Variants in TYRP1 observed in about 807,000 individuals in gnomAD.
The protein encoded by TYRP1 is tyrosinase related protein 1.
Under a neutral mutation model 42.8 loss-of-function variants are expected in TYRP1, and 49 were observed. The observed-to-expected ratio is 1.14, with a 90% confidence interval of 0.91 to 1.45. TYRP1 has a LOEUF of 1.45. TYRP1 is among the 40% of genes most tolerant of loss of function. The pLI is 0.00. For synonymous variants in TYRP1, 279 were observed against 235.4 expected (o/e 1.19, Z -1.69); for missense variants, 848 against 662.0 (o/e 1.28, Z -3.08).
rs912594792 is a variant in TYRP1 at position 12,709,766 on chromosome 9, G to T, written c.*584G>T. 2 of 152,372 alleles carry T rather than the reference G, an allele frequency of 1.3e-5. No individual in the cohort carries two copies. Among genetic ancestry groups the T allele is most frequent in the Admixed American group, 1.3e-4 (2 of 15,288 alleles). 9.4% of individuals were successfully genotyped at this position (152,372 alleles called of 1,614,324 possible). On this transcript the variant is annotated 3_prime_UTR_variant, in exon 8 of 8. Transcript: ENST00000388918. ...GTCAACATATACTATTTAGTCTCAG[G>T]TTCAAGGCTACAACAAAAATCACCA...
intron 5 of TYRP1, among the ~76,000 whole-genome samples, chr9:12,704,197 T>A (rs533677323): frequency 6.6e-6 from 1 of 152,114 alleles, no homozygotes; most frequent in South Asian, 2.1e-4. Context: ...AACTGGAGAT[T>A]TTCACTATCT....
In TYRP1 at chr9:12,698,054, T is replaced by A. The variant is rs549135963; in HGVS notation, c.709-397T>A. On this transcript the variant is annotated intron_variant, in intron 3 of 7. Transcript: ENST00000388918. ...GATCTGGCTCCAGACTAAGAGTTAA[T>A]GATGCTTGAATTAAAGATAGGAAAA... Among the ~76,000 whole-genome samples, 4 of 152,266 alleles carry A rather than the reference T, an allele frequency of 2.6e-5. No individual in the cohort carries two copies. The East Asian group carries it at 7.7e-4, about 29-fold the overall frequency.
At position 12,707,114 on chromosome 9, in the gene TYRP1, T is replaced by G. The variant is rs186909197; in HGVS notation, c.1262-883T>G. ...CTATATACACATTCAATTCAATTCC[T>G]TCTCTTTTATTTCAACTGAGAATTA... On this transcript the variant is annotated intron_variant, in intron 6 of 7. Transcript: ENST00000388918. 7.8e-4 allele frequency among the ~76,000 whole-genome samples: 119 copies of G among 152,128 alleles called. 1 individual carries two copies. The highest frequency in any genetic ancestry group is 2.6e-3 in the African/African-American group (107 of 41,544).
At position 12,709,204 on chromosome 9, in the gene TYRP1, C is replaced by A; in HGVS notation, c.*22C>A. The A allele has an allele frequency of 1.9e-6, 3 of 1,605,670 alleles. No individual in the cohort carries two copies. Among genetic ancestry groups the A allele is most frequent in the Non-Finnish European group, 2.6e-6 (3 of 1,173,082 alleles). ...CTAACAAATGCCCTACTCTCTTATG[C>A]ATTAGTATCACAAAACCACCTGGTT... On this transcript the variant is annotated 3_prime_UTR_variant, in exon 8 of 8. Transcript: ENST00000388918.
chr9:12,705,804 A>G (rs1238562030), intron 6 of TYRP1, among the ~76,000 whole-genome samples: 1 of 151,756 alleles, frequency 6.6e-6, no homozygotes, highest in Non-Finnish European at 1.5e-5. Flanking sequence ...CCAAGATCAC[A>G]CCACTGCACT....
Position 12,709,205 on chromosome 9 carries a change from A to G in TYRP1, c.*23A>G. On this transcript the variant is annotated 3_prime_UTR_variant, in exon 8 of 8. Coordinates refer to ENST00000388918, the MANE Select transcript of TYRP1 (RefSeq NM_000550.3). ...TAACAAATGCCCTACTCTCTTATGCATTAGTATCACAAAACCACCTGGTTG... is the reference window on the plus strand; with the variant it reads ...TAACAAATGCCCTACTCTCTTATGCGTTAGTATCACAAAACCACCTGGTTG... 4.4e-6 allele frequency: 7 copies of G among 1,606,890 alleles called. No homozygotes were observed. The highest frequency in any genetic ancestry group is 6.0e-6 in the Non-Finnish European group (7 of 1,174,130).
chr9:12,705,935 AC>A lies in TYRP1; in HGVS notation c.1261+1231del, dbSNP rs149873325. ...TGACAACCATAAATCTATAATTTAC[AC>A]TGTCAGCTTTTTTAAAAGTGAAACA... On this transcript the variant is annotated intron_variant, in intron 6 of 7. Coordinates refer to ENST00000388918, the MANE Select transcript of TYRP1 (RefSeq NM_000550.3). 8.1e-3 allele frequency among the ~76,000 whole-genome samples: 1,240 copies of A among 152,198 alleles called. 7 individuals are homozygous for A. The highest frequency in any genetic ancestry group is 0.013 in the Non-Finnish European group (872 of 67,976).
At chr9:12,708,537 T>TTATC (rs573883409) in intron 7 of TYRP1, among the ~76,000 whole-genome samples, 242 of 152,110 alleles carry the variant, frequency 1.6e-3, no homozygotes, top group African/African-American at 5.7e-3. Context: ...TTGCCTGCAT[T>TTATC]TATCTATCTT....
rs1206960415 is a variant in TYRP1 at position 12,702,414 on chromosome 9, AAC to A, written c.1059_1060del (p.Asn353LysfsTer11). The part of the protein sequence containing the change: ...DTPPFYSNST[N>X]SFRNTVEGYS... ...GCCTCCTTTTTATTCCAACTCTACA[AAC>A]AGTTTCCGAAACACAGTGGAAGGCA... On this transcript the variant is annotated frameshift_variant, in exon 5 of 8. Transcript: ENST00000388918. LOFTEE classifies it high-confidence loss of function. 2.5e-6 allele frequency: 4 copies of A among 1,612,596 alleles called. No individual in the cohort carries two copies. Among genetic ancestry groups the A allele is most frequent in the Admixed American group, 1.7e-5 (1 of 59,820 alleles).
chr9:12,699,575 C>A (rs548438321), intron 4 of TYRP1, among the ~76,000 whole-genome samples: 113 of 152,034 alleles, frequency 7.4e-4, no homozygotes, highest in Non-Finnish European at 1.4e-3. Flanking sequence ...CTAAATAAAT[C>A]AGCAGGAATT....
intron 2 of TYRP1, 25 bp from the exon 3 acceptor site, chr9:12,695,490 A>G: frequency 6.2e-7 from 1 of 1,612,390 alleles, no homozygotes; most frequent in Non-Finnish European, 8.5e-7. Flanking sequence ...AGATGTTTTC[A>G]TGCTTGAATT....
At chr9:12,696,291 G>C (rs763124267) in intron 3 of TYRP1, among the ~76,000 whole-genome samples, 4 of 151,972 alleles carry the variant, frequency 2.6e-5, no homozygotes, top group Admixed American at 6.6e-5. Context: ...CTCCAACATG[G>C]TATAGGGTTT....
chr9:12,707,211 C>G (rs923232008), intron 6 of TYRP1, among the ~76,000 whole-genome samples: 2 of 151,930 alleles, frequency 1.3e-5, no homozygotes, highest in Admixed American at 6.6e-5. Flanking sequence ...TATACGTTTC[C>G]AAGAGTGATC....
At position 12,698,548 on chromosome 9, in the gene TYRP1, G is replaced by A; in HGVS notation, c.806G>A (p.Arg269Lys). The A allele has an allele frequency of 6.2e-7, 1 of 1,613,872 alleles. No individual in the cohort carries two copies. ...DICTDDLMGS[R>K]SNFDSTLISP... ...TGCACGGATGACTTGATGGGATCCAGAAGCAACTTTGATTCCACTCTAATA... is the reference window on the plus strand; with the variant it reads ...TGCACGGATGACTTGATGGGATCCAAAAGCAACTTTGATTCCACTCTAATA... The change falls in exon 4 of 8, where the codon AGA becomes AAA. Residue 269 changes from arginine to lysine, a missense_variant. Arg to Lys is a conservative substitution (Grantham distance 26, BLOSUM62 2). Coordinates refer to ENST00000388918, the MANE Select transcript of TYRP1 (RefSeq NM_000550.3).
intron 6 of TYRP1, 197 bp from the exon 7 acceptor site, chr9:12,707,800 G>A (rs75439634): frequency 1.7e-6 from 1 of 573,654 alleles, no homozygotes; most frequent in Non-Finnish European, 3.0e-6. Flanking sequence ...TGGTATATTG[G>A]TACTGTATTC....
At chr9:12,707,525 AG>A in intron 6 of TYRP1, 19 of 167,074 alleles carry the variant, frequency 1.1e-4, no homozygotes, top group South Asian at 3.4e-4. Flanking sequence ...GAATGTCCTA[AG>A]ACAAAGGAAC....
At chr9:12,699,907 G>T (rs1208080125) in intron 4 of TYRP1, among the ~76,000 whole-genome samples, 2 of 151,570 alleles carry the variant, frequency 1.3e-5, no homozygotes, top group South Asian at 4.1e-4. Context: ...TAGCACAGGA[G>T]GGGGAAGAAA....
intron 5 of TYRP1, among the ~76,000 whole-genome samples, chr9:12,703,913 A>G (rs866495246): frequency 1.8e-4 from 14 of 78,368 alleles, no homozygotes; most frequent in African/African-American, 5.2e-4. Context: ...GTGTGTGTAT[A>G]TATGTGTGTG....
At chr9:12,704,252 T>C (rs1294122084) in intron 5 of TYRP1, among the ~76,000 whole-genome samples, 2 of 151,910 alleles carry the variant, frequency 1.3e-5, no homozygotes, top group Non-Finnish European at 2.9e-5. Context: ...ATAGAGTGTC[T>C]ATATATTTTG....
Sources: allele counts gnomAD v4.1 joint callset (sites outside exome capture counted in the v4.1 genomes callset), GRCh38; gene constraint gnomAD v4.1.1; transcripts MANE v1.5; gene names NCBI Gene and HGNC (gene_info 2026-07-23, HGNC 2026-07-21).